Variants in SLCO5A1 observed in about 807,000 individuals in gnomAD.
SLCO5A1 encodes organic anion transporter polypeptide-related protein 4.
Under a neutral mutation model 65.1 loss-of-function variants are expected in SLCO5A1, and 39 were observed. That is an observed-to-expected ratio of 0.60 (90% CI 0.46 to 0.78). The LOEUF is 0.78. Ranked by LOEUF, SLCO5A1 falls within the 30% of genes least tolerant of loss-of-function variation. The pLI is 0.00. For synonymous variants in SLCO5A1, 438 were observed against 415.7 expected, an observed-to-expected ratio of 1.05 and a Z score of -0.65; for missense variants, 1,029 against 1,069.4, an observed-to-expected ratio of 0.96 and a Z score of 0.53.
chr8:69,781,720 C>T (rs7012611), intron 2 of SLCO5A1, among the ~76,000 whole-genome samples: 2,870 of 152,036 alleles, frequency 0.019, 83 homozygotes, highest in African/African-American at 0.065. Flanking sequence ...TGCAATGGCG[C>T]GATCTCGGCT....
At position 69,738,187 on chromosome 8, in the gene SLCO5A1, C is replaced by T. The variant is rs2130843446; in HGVS notation, c.1276G>A (p.Val426Ile). The T allele has an allele frequency of 3.7e-6, 6 of 1,607,610 alleles. No homozygotes were observed. The highest frequency in any genetic ancestry group is 1.3e-5 in the African/African-American group (1 of 74,780). Reference protein sequence around the residue: ...KDVRDLPRAAVRILSNMTFLF... With the variant: ...KDVRDLPRAAIRILSNMTFLF... Reference sequence around the variant, plus strand: ...AATGTCATGTTGCTTAAGATCCTGACAGCTGCTCTTGGTAGGTCTACAAAA... The same window carrying T: ...AATGTCATGTTGCTTAAGATCCTGATAGCTGCTCTTGGTAGGTCTACAAAA... Residue 426 changes from valine (V) to isoleucine (I), a missense_variant, in exon 5 of 10, where the codon GTC (valine) becomes ATC (isoleucine). This residue lies in a region of SLCO5A1 where 647 missense variants were observed against 647.5 expected (regional missense o/e 1.00). Coordinates refer to ENST00000260126, the MANE Select transcript of SLCO5A1 (RefSeq NM_030958.3).
intron 2 of SLCO5A1, among the ~76,000 whole-genome samples, chr8:69,819,450 C>T (rs1172503829): frequency 6.6e-6 from 1 of 152,142 alleles, no homozygotes; most frequent in Non-Finnish European, 1.5e-5. Flanking sequence ...TCCACTTGCA[C>T]AAAGATATGA....
At chr8:69,688,544 T>A (rs907145138) in intron 6 of SLCO5A1, among the ~76,000 whole-genome samples, 2 of 151,544 alleles carry the variant, frequency 1.3e-5, no homozygotes, top group African/African-American at 2.4e-5. Context: ...TGTCCATGTG[T>A]TCTCATTGTT....
intron 2 of SLCO5A1, among the ~76,000 whole-genome samples, chr8:69,799,569 G>A (rs951875628): frequency 6.6e-6 from 1 of 152,098 alleles, no homozygotes; most frequent in African/African-American, 2.4e-5. Flanking sequence ...ACTGTTGTAA[G>A]GACTTACCTG....
intron 5 of SLCO5A1, among the ~76,000 whole-genome samples, chr8:69,730,761 TC>T: frequency 6.6e-6 from 1 of 152,296 alleles, no homozygotes; most frequent in South Asian, 2.1e-4. Flanking sequence ...ATTTCTTCCT[TC>T]TCTAAAATCT....
intron 2 of SLCO5A1, among the ~76,000 whole-genome samples, chr8:69,786,385 T>C (rs1264842157): frequency 3.9e-5 from 6 of 152,188 alleles, no homozygotes; most frequent in African/African-American, 1.4e-4. Context: ...TCAGGAAGTT[T>C]CACCAATAGG....
At chr8:69,690,877 T>A (rs1814230793) in intron 6 of SLCO5A1, among the ~76,000 whole-genome samples, 1 of 152,154 alleles carries the variant, frequency 6.6e-6, no homozygotes, top group Non-Finnish European at 1.5e-5. Flanking sequence ...ATAATAGATT[T>A]TGCTTTAAGT....
chr8:69,723,304 T>A (rs561737827), intron 5 of SLCO5A1, among the ~76,000 whole-genome samples: 122 of 152,256 alleles, frequency 8.0e-4, no homozygotes, highest in Non-Finnish European at 1.0e-3. Flanking sequence ...GAGGCTGGAG[T>A]GCAGTGGTGC....
At chr8:69,796,195 A>G (rs957084989) in intron 2 of SLCO5A1, among the ~76,000 whole-genome samples, 1 of 151,674 alleles carries the variant, frequency 6.6e-6, no homozygotes, top group Non-Finnish European at 1.5e-5. Flanking sequence ...CTTACTTTTA[A>G]CTATGAAAAT....
At chr8:69,830,927 A>C (rs888499447) in intron 2 of SLCO5A1, among the ~76,000 whole-genome samples, 2 of 152,262 alleles carry the variant, frequency 1.3e-5, no homozygotes, top group Admixed American at 6.5e-5. Flanking sequence ...TTGCTTCTTC[A>C]TAAAGGTAAG....
intron 5 of SLCO5A1, among the ~76,000 whole-genome samples, chr8:69,723,581 C>A (rs1340083195): frequency 3.9e-5 from 6 of 151,974 alleles, no homozygotes; most frequent in Non-Finnish European, 8.8e-5. Context: ...AATCAAAATT[C>A]ACTTATCCTT....
intron 2 of SLCO5A1, among the ~76,000 whole-genome samples, chr8:69,793,840 G>T (rs970204953): frequency 6.6e-6 from 1 of 151,844 alleles, no homozygotes; most frequent in African/African-American, 2.4e-5. Context: ...AAAATGAGAG[G>T]GAAAGGGAGT....
chr8:69,681,497 G>A (rs1470130549), intron 7 of SLCO5A1, among the ~76,000 whole-genome samples: 1 of 152,166 alleles, frequency 6.6e-6, no homozygotes, highest in African/African-American at 2.4e-5. Context: ...GGAGGCTGAG[G>A]CAGGAGAATC....
chr8:69,716,795 T>C (rs1373132024), intron 5 of SLCO5A1, among the ~76,000 whole-genome samples: 1 of 152,044 alleles, frequency 6.6e-6, no homozygotes, highest in African/African-American at 2.4e-5. Context: ...TTTTTTTTTT[T>C]TTAAGACAGG....
At chr8:69,707,255 AATT>A (rs1815013586) in intron 5 of SLCO5A1, among the ~76,000 whole-genome samples, 1 of 152,206 alleles carries the variant, frequency 6.6e-6, no homozygotes, top group African/African-American at 2.4e-5. Flanking sequence ...ACAATAAAAT[AATT>A]ATACAAAGTG....
At chr8:69,778,380 GT>G (rs1024338507) in intron 2 of SLCO5A1, among the ~76,000 whole-genome samples, 5 of 151,830 alleles carry the variant, frequency 3.3e-5, no homozygotes, top group Non-Finnish European at 7.4e-5. Flanking sequence ...TCTGGAAGTG[GT>G]TGCACAACTC....
chr8:69,810,608 G>T (rs911675316), intron 2 of SLCO5A1, among the ~76,000 whole-genome samples: 3 of 152,112 alleles, frequency 2.0e-5, no homozygotes, highest in Non-Finnish European at 4.4e-5. Flanking sequence ...TTTTATAAAA[G>T]TAATTAAGTA....
At chr8:69,753,688 G>T (rs1253037201) in intron 4 of SLCO5A1, among the ~76,000 whole-genome samples, 11 of 151,826 alleles carry the variant, frequency 7.2e-5, no homozygotes, top group Admixed American at 7.2e-4. Flanking sequence ...TTCTCCCTTT[G>T]AGTCTACTTT....
chr8:69,755,532 A>AT lies in SLCO5A1; in HGVS notation c.1149dup (p.Phe384IlefsTer4), dbSNP rs1185717189. The AT allele has an allele frequency of 6.2e-7, 1 of 1,613,872 alleles. No homozygotes were observed. The highest frequency in any genetic ancestry group is 8.5e-7 in the Non-Finnish European group (1 of 1,179,936). On this transcript the variant is annotated frameshift_variant, in exon 4 of 10. Transcript: ENST00000260126. LOFTEE classifies it high-confidence loss of function. ...TCATCACTAACAGCATCAACAGAAAATTTTTTCTTTTTCTTTTTCTTGTGT... is the reference window on the plus strand; with the variant it reads ...TCATCACTAACAGCATCAACAGAAAATTTTTTTCTTTTTCTTTTTCTTGTGT...
Sources: gnomAD v4.1 joint callset for allele counts (sites outside exome capture counted in the v4.1 genomes callset) on GRCh38, gnomAD v4.1.1 for gene constraint, gnomAD v4.1.1 regional missense constraint, MANE v1.5 for transcripts, NCBI Gene and HGNC (gene_info 2026-07-23, HGNC 2026-07-21) for gene names.